DOK6: variants seen among roughly 807,000 people sequenced by gnomAD.
DOK6 encodes the protein docking protein 6.
A neutral mutation model predicts 44.0 loss-of-function variants in DOK6; 22 were observed. The ratio of observed to expected loss-of-function variants is 0.50; its 90% CI spans 0.36 to 0.71. The LOEUF (loss-of-function observed/expected upper bound fraction) is 0.71, where lower values mean the gene tolerates loss of function less well. DOK6 is among the 30% of genes least tolerant of loss of function. DOK6 has a pLI of 0.00. For missense variants in DOK6, 340 were observed against 416.4 expected, an observed-to-expected ratio of 0.82 and a Z score of 1.60; for synonymous variants, 166 against 145.5, an observed-to-expected ratio of 1.14 and a Z score of -1.01.
intron 1 of DOK6, among the ~76,000 whole-genome samples, chr18:69,551,706 T>C (rs1371374869): frequency 6.6e-6 from 1 of 152,192 alleles, no homozygotes; most frequent in African/African-American, 2.4e-5. Flanking sequence ...AAATCACTGT[T>C]ATTTTTCATC....
At chr18:69,654,006 A>C (rs1231898993) in intron 3 of DOK6, among the ~76,000 whole-genome samples, 1 of 152,200 alleles carries the variant, frequency 6.6e-6, no homozygotes, top group Non-Finnish European at 1.5e-5. Context: ...CAAGATGGAA[A>C]ACTTCAGAGA....
intron 1 of DOK6, among the ~76,000 whole-genome samples, chr18:69,479,749 A>G (rs1980367009): frequency 6.6e-6 from 1 of 152,192 alleles, no homozygotes. Flanking sequence ...CATGAGCAGA[A>G]AAAAGGTATT....
At chr18:69,672,836 A>C (rs563547289) in intron 3 of DOK6, among the ~76,000 whole-genome samples, 1 of 152,292 alleles carries the variant, frequency 6.6e-6, no homozygotes, top group Non-Finnish European at 1.5e-5. Flanking sequence ...TAGTTCTATA[A>C]ATTTTAAATG....
At chr18:69,455,060 A>T (rs59002551) in intron 1 of DOK6, among the ~76,000 whole-genome samples, 33,346 of 140,232 alleles carry the variant, frequency 0.24, 4,019 homozygotes, top group Middle Eastern at 0.4. Flanking sequence ...AAAGTATAAT[A>T]AAAAAAAAAG....
At chr18:69,405,228 T>C (rs1181525209) in intron 1 of DOK6, among the ~76,000 whole-genome samples, 1 of 152,226 alleles carries the variant, frequency 6.6e-6, no homozygotes. Flanking sequence ...GTAAACACTG[T>C]GAGTTTTCCT....
chr18:69,512,332 CTTTTTTT>C (rs548031851), intron 1 of DOK6, among the ~76,000 whole-genome samples: 29 of 91,678 alleles, frequency 3.2e-4, no homozygotes, highest in Non-Finnish European at 3.5e-4. Context: ...CTTTCTTCTT[CTTTTTTT>C]TTTTTTTTTT....
At chr18:69,707,881 A>C (rs1235727895) in intron 5 of DOK6, among the ~76,000 whole-genome samples, 2 of 152,174 alleles carry the variant, frequency 1.3e-5, no homozygotes, top group African/African-American at 4.8e-5. Context: ...TTCCTGAAGA[A>C]GATGATTTGC....
chr18:69,490,436 G>C (rs908213513), intron 1 of DOK6, among the ~76,000 whole-genome samples: 2 of 152,132 alleles, frequency 1.3e-5, no homozygotes, highest in African/African-American at 4.8e-5. Flanking sequence ...GTGGAAAGCT[G>C]AAGATAATAA....
intron 1 of DOK6, among the ~76,000 whole-genome samples, chr18:69,458,844 C>A (rs1795884727): frequency 6.6e-6 from 1 of 152,154 alleles, no homozygotes; most frequent in Non-Finnish European, 1.5e-5. Context: ...GTAATCCCAG[C>A]ATTTTGGGCA....
intron 1 of DOK6, among the ~76,000 whole-genome samples, chr18:69,403,982 A>C (rs1228374518): frequency 6.6e-6 from 1 of 152,236 alleles, no homozygotes; most frequent in East Asian, 1.9e-4. Context: ...TCCAAAACTA[A>C]ATTTCAAAAT....
intron 1 of DOK6, among the ~76,000 whole-genome samples, chr18:69,455,064 AAAAAAGAAAAG>A (rs926426043): frequency 5.6e-5 from 8 of 142,976 alleles, no homozygotes; most frequent in Non-Finnish European, 9.2e-5. Flanking sequence ...TATAATAAAA[AAAAAAGAAAAG>A]AAAAGAAAAG....
chr18:69,460,213 G>A (rs1979750002), intron 1 of DOK6, among the ~76,000 whole-genome samples: 1 of 152,082 alleles, frequency 6.6e-6, no homozygotes, highest in Non-Finnish European at 1.5e-5. Context: ...TAAATAGAAA[G>A]ACATATTTTT....
At chr18:69,692,734 T>C (rs1986295637) in intron 4 of DOK6, among the ~76,000 whole-genome samples, 1 of 152,222 alleles carries the variant, frequency 6.6e-6, no homozygotes, top group Non-Finnish European at 1.5e-5. Flanking sequence ...TATGTACATT[T>C]ATGGGAAAAA....
intron 7 of DOK6, among the ~76,000 whole-genome samples, chr18:69,815,210 C>T (rs146141196): frequency 2.8e-4 from 42 of 152,236 alleles, no homozygotes; most frequent in African/African-American, 9.1e-4. Context: ...ACACATCCTC[C>T]TGTGAGATAA....
intron 1 of DOK6, among the ~76,000 whole-genome samples, chr18:69,531,547 C>T (rs1981986574): frequency 6.6e-6 from 1 of 151,514 alleles, no homozygotes; most frequent in Non-Finnish European, 1.5e-5. Context: ...AGGACGTGAA[C>T]AGCCATTAAG....
intron 7 of DOK6, 53 bp downstream of exon 7, chr18:69,757,926 G>T: frequency 6.8e-7 from 1 of 1,469,178 alleles, no homozygotes; most frequent in Non-Finnish European, 9.5e-7. Flanking sequence ...CCTCCAGGTG[G>T]ACTGAGTCAT....
intron 5 of DOK6, among the ~76,000 whole-genome samples, chr18:69,726,860 A>G (rs2144728173): frequency 2.0e-5 from 3 of 151,452 alleles, no homozygotes. Context: ...TTTAAAAAAA[A>G]AAAAAAAAAA....
At position 69,767,774 on chromosome 18, in the gene DOK6, G is replaced by A. The variant is rs573034036; in HGVS notation, c.856+9901G>A. On this transcript the variant is annotated intron_variant, in intron 7 of 7. Coordinates refer to ENST00000382713, the MANE Select transcript of DOK6 (RefSeq NM_152721.6). ...GCATTCTACTGGCTGGACTAGAGGC[G>A]AGCAACAAGATTTACATTACTAATT... is the stretch of plus-strand genomic sequence containing the variant. 3.2e-4 allele frequency among the ~76,000 whole-genome samples: 48 copies of A among 152,216 alleles called. 1 individual carries two copies. The highest frequency in any genetic ancestry group is 1.0e-3 in the African/African-American group (42 of 41,552).
At chr18:69,515,572 G>A (rs1033208228) in intron 1 of DOK6, among the ~76,000 whole-genome samples, 1 of 152,074 alleles carries the variant, frequency 6.6e-6, no homozygotes, top group Non-Finnish European at 1.5e-5. Flanking sequence ...ATTTCTTTCT[G>A]CTACAGCTCA....
Sources: gnomAD v4.1 joint callset for allele counts (sites outside exome capture counted in the v4.1 genomes callset) on GRCh38, gnomAD v4.1.1 for gene constraint, MANE v1.5 for transcripts, NCBI Gene and HGNC (gene_info 2026-07-23, HGNC 2026-07-21) for gene names.